The following TMEM117 variants were observed in gnomAD, a reference collection of about 807,000 sequenced individuals.
TMEM117 encodes the protein transmembrane protein 117.
TMEM117 carries 27 observed loss-of-function variants against 52.4 expected under a neutral mutation model. The observed-to-expected ratio is 0.51, with a 90% confidence interval of 0.38 to 0.71. The LOEUF is 0.71. Among genes scored for constraint, TMEM117 ranks in the 30% least tolerant of loss-of-function variants. The pLI is 0.00. For missense variants in TMEM117, 556 were observed against 630.5 expected, an observed-to-expected ratio of 0.88 and a Z score of 1.26; for synonymous variants, 215 against 206.3, an observed-to-expected ratio of 1.04 and a Z score of -0.36.
chr12:44,010,883 A>G (rs1169109294), intron 3 of TMEM117, among the ~76,000 whole-genome samples: 1 of 152,228 alleles, frequency 6.6e-6, no homozygotes, highest in East Asian at 1.9e-4. Flanking sequence ...AATCAGATAC[A>G]TTTTTGCTCT....
chr12:43,911,239 A>G (rs1944494715), intron 2 of TMEM117, among the ~76,000 whole-genome samples: 1 of 52,788 alleles, frequency 1.9e-5, no homozygotes, highest in African/African-American at 3.6e-5. Context: ...AAAACAAGCA[A>G]TGGGGAAAGG....
intron 6 of TMEM117, among the ~76,000 whole-genome samples, chr12:44,330,385 G>A (rs1951253760): frequency 6.6e-6 from 1 of 151,910 alleles, no homozygotes; most frequent in Non-Finnish European, 1.5e-5. Flanking sequence ...GAAATACATT[G>A]TGAACTACAT....
At chr12:44,023,801 C>T (rs112027837) in intron 3 of TMEM117, among the ~76,000 whole-genome samples, 2,237 of 105,800 alleles carry the variant, frequency 0.021, 73 homozygotes, top group African/African-American at 0.079. Flanking sequence ...CATCACACTC[C>T]GGGGACTGTT....
rs17094168 is a variant in TMEM117, at chr12:44,158,233, A to G, written c.510+14609A>G. 2.3e-3 allele frequency among the ~76,000 whole-genome samples: 356 copies of G among 152,294 alleles called. 12 individuals carry two copies. In the East Asian group the frequency reaches 0.035, roughly 15 times the overall value. On this transcript the variant is annotated intron_variant, in intron 4 of 7. Transcript: ENST00000266534. ...CTCCTCTGCGTTATGTTTCCACAAC[A>G]TTTCATTGACTTGTCTATAAAAGTA...
At chr12:44,321,348 C>T (rs575043297) in intron 6 of TMEM117, among the ~76,000 whole-genome samples, 43 of 152,198 alleles carry the variant, frequency 2.8e-4, no homozygotes, top group African/African-American at 9.4e-4. Context: ...ATCCTCTATG[C>T]GTGCCATTGG....
chr12:44,374,616 T>TTTTGTGTG (rs1555159976), intron 6 of TMEM117, among the ~76,000 whole-genome samples: 1 of 144,806 alleles, frequency 6.9e-6, no homozygotes, highest in African/African-American at 2.5e-5. Context: ...AAGGAACTAT[T>TTTTGTGTG]TGTGTGTGTG....
At chr12:43,816,107 T>G in the TMEM117 span, among the ~76,000 whole-genome samples, 1 of 152,182 alleles carries the variant, frequency 6.6e-6, no homozygotes, top group Non-Finnish European at 1.5e-5. Flanking sequence ...GGTTCTAAGC[T>G]CAAAGTCTTT....
intron 3 of TMEM117, among the ~76,000 whole-genome samples, chr12:44,130,809 C>T (rs982426705): frequency 6.6e-6 from 1 of 151,706 alleles, no homozygotes; most frequent in Non-Finnish European, 1.5e-5. Context: ...TTTTAGTTTG[C>T]ATATCATTTA....
chr12:44,134,634 G>C (rs1333087074), intron 3 of TMEM117, among the ~76,000 whole-genome samples: 1 of 152,184 alleles, frequency 6.6e-6, no homozygotes, highest in African/African-American at 2.4e-5. Flanking sequence ...GGAATAATTT[G>C]AGAACCAACC....
At chr12:44,311,264 C>T (rs1415014519) in intron 6 of TMEM117, among the ~76,000 whole-genome samples, 3 of 151,958 alleles carry the variant, frequency 2.0e-5, no homozygotes, top group Non-Finnish European at 4.4e-5. Context: ...CCTTTGATTT[C>T]AGTAGCTGAG....
chr12:44,315,422 T>C (rs1442646537), intron 6 of TMEM117, among the ~76,000 whole-genome samples: 1 of 152,216 alleles, frequency 6.6e-6, no homozygotes, highest in African/African-American at 2.4e-5. Context: ...CTGTTTTTGC[T>C]TCATCCAAGA....
At chr12:43,806,210 G>A in the TMEM117 span, 1 of 1,540,434 alleles carries the variant, frequency 6.5e-7, no homozygotes, top group Non-Finnish European at 8.7e-7. Flanking sequence ...AGTCGCGCCG[G>A]GCGCTGTTAC....
Position 43,843,521 on chromosome 12 carries a change from T to C in TMEM117, c.-28-1103T>C, listed in dbSNP as rs572022736. On this transcript the variant is annotated intron_variant, in intron 1 of 7. Transcript: ENST00000266534. ...GAGGTGGGCCTGAACATTTTCATTT[T>C]AAGACAGCTATGTACTTCCAGTGCA... Among the ~76,000 whole-genome samples the C allele has an allele frequency of 3.3e-5, 5 of 152,332 alleles. 1 individual carries two copies. Among genetic ancestry groups the C allele is most frequent in the Admixed American group, 3.3e-4 (5 of 15,300 alleles).
chr12:44,289,991 G>A (rs1191224148), intron 5 of TMEM117, among the ~76,000 whole-genome samples: 1 of 152,030 alleles, frequency 6.6e-6, no homozygotes, highest in East Asian at 1.9e-4. Flanking sequence ...CACCTGTTGG[G>A]CATTTGTATG....
intron 4 of TMEM117, among the ~76,000 whole-genome samples, chr12:44,175,045 C>A (rs11182432): frequency 0.27 from 41,042 of 152,052 alleles, 10,038 homozygotes; most frequent in African/African-American, 0.66. Flanking sequence ...AGAGCTGGAG[C>A]GGTTGAAGGA....
At chr12:44,037,918 A>G (rs997659704) in intron 3 of TMEM117, among the ~76,000 whole-genome samples, 3 of 151,984 alleles carry the variant, frequency 2.0e-5, no homozygotes, top group African/African-American at 7.2e-5. Context: ...TGGGAGTACC[A>G]GCTGCAGAGA....
chr12:44,115,485 T>C (rs1002445070), intron 3 of TMEM117, among the ~76,000 whole-genome samples: 2 of 152,130 alleles, frequency 1.3e-5, no homozygotes, highest in Non-Finnish European at 2.9e-5. Flanking sequence ...CCATTCCTGA[T>C]CAACTCTGAC....
At chr12:44,358,916 T>C (rs952894361) in intron 6 of TMEM117, among the ~76,000 whole-genome samples, 2 of 152,216 alleles carry the variant, frequency 1.3e-5, no homozygotes, top group South Asian at 2.1e-4. Context: ...AATATCTCTG[T>C]GGGTTTCGTA....
intron 2 of TMEM117, among the ~76,000 whole-genome samples, chr12:43,873,259 T>G (rs2137431806): frequency 6.7e-6 from 1 of 148,206 alleles, no homozygotes; most frequent in South Asian, 2.3e-4. Context: ...TTTCTTCTAA[T>G]AGGGTTAGTA....
Sources: gnomAD v4.1 joint callset for allele counts (sites outside exome capture counted in the v4.1 genomes callset) on GRCh38, gnomAD v4.1.1 for gene constraint, MANE v1.5 for transcripts, NCBI Gene and HGNC (gene_info 2026-07-23, HGNC 2026-07-21) for gene names.